Variants in CIMIP1 observed in about 807,000 individuals in gnomAD.
CIMIP1 encodes ciliary microtubule inner protein 1, also known as low in lung cancer 1.
At chr20:58,155,367 C>A in the CIMIP1 span, 1 of 910,110 alleles carries the variant, frequency 1.1e-6, no homozygotes, top group South Asian at 1.7e-5. Flanking sequence ...GGAGGACACT[C>A]CCCCAGCTTC....
chr20:58,151,474 C>G, the CIMIP1 span, among the ~76,000 whole-genome samples: 1 of 151,952 alleles, frequency 6.6e-6, no homozygotes. Context: ...AGTGCAGTGG[C>G]GCGATCTCGG....
the CIMIP1 span, among the ~76,000 whole-genome samples, chr20:58,158,862 A>G: frequency 6.6e-6 from 1 of 152,178 alleles, no homozygotes; most frequent in African/African-American, 2.4e-5. Context: ...AAGGACATCC[A>G]TGGGCCTCTG....
At chr20:58,160,566 T>C in the CIMIP1 span, 2 of 1,379,118 alleles carry the variant, frequency 1.5e-6, no homozygotes, top group Non-Finnish European at 1.9e-6. Context: ...CTGGCTTTTC[T>C]TTCTGTCTTT....
At chr20:58,153,602 T>C in the CIMIP1 span, 1 of 1,612,870 alleles carries the variant, frequency 6.2e-7, no homozygotes, top group Non-Finnish European at 8.5e-7. Context: ...GAACTGGGGG[T>C]TTTTAACAAC....
the CIMIP1 span, among the ~76,000 whole-genome samples, chr20:58,151,557 C>T: frequency 1.3e-5 from 2 of 152,022 alleles, no homozygotes; most frequent in African/African-American, 2.4e-5. Flanking sequence ...GGATTACAGG[C>T]GCCCACCACC....
chr20:58,154,052 G>C, the CIMIP1 span, among the ~76,000 whole-genome samples: 1 of 152,252 alleles, frequency 6.6e-6, no homozygotes, highest in Non-Finnish European at 1.5e-5. Context: ...CTGAGCGACT[G>C]TGAGGTGCAG....
the CIMIP1 span, chr20:58,155,681 A>C: frequency 1.2e-6 from 1 of 858,988 alleles, no homozygotes; most frequent in African/African-American, 1.7e-5. Flanking sequence ...CACTGAAGGT[A>C]AGAGCACAGC....
At chr20:58,154,530 C>T in the CIMIP1 span, among the ~76,000 whole-genome samples, 1 of 152,096 alleles carries the variant, frequency 6.6e-6, no homozygotes, top group African/African-American at 2.4e-5. Context: ...AGTGTAAAGC[C>T]CATTTGTAAT....
At chr20:58,152,720 A>G in the CIMIP1 span, among the ~76,000 whole-genome samples, 1 of 59,930 alleles carries the variant, frequency 1.7e-5, no homozygotes, top group Admixed American at 2.3e-4. Context: ...GCGAAACTCC[A>G]TCAAAAAAAA....
chr20:58,153,565 A>G, the CIMIP1 span: 1 of 1,614,208 alleles, frequency 6.2e-7, no homozygotes, highest in Non-Finnish European at 8.5e-7. Flanking sequence ...TGAAGGCTGA[A>G]TCGGAAGCAC....
the CIMIP1 span, among the ~76,000 whole-genome samples, chr20:58,155,987 G>A: frequency 3.3e-5 from 5 of 152,294 alleles, no homozygotes; most frequent in South Asian, 2.1e-4. Context: ...TGTCTCCCCT[G>A]CCTGTCTTAT....
the CIMIP1 span, chr20:58,161,126 A>T: frequency 9.1e-6 from 2 of 220,344 alleles, no homozygotes; most frequent in Admixed American, 1.1e-4. Context: ...ATTCAATTTT[A>T]AAAATATTTG....
the CIMIP1 span, among the ~76,000 whole-genome samples, chr20:58,153,310 C>T: frequency 1.3e-5 from 2 of 152,150 alleles, no homozygotes; most frequent in Non-Finnish European, 2.9e-5. Context: ...GGCCCTTACC[C>T]GGCATTCCCT....
chr20:58,158,414 G>A, the CIMIP1 span, among the ~76,000 whole-genome samples: 1 of 152,196 alleles, frequency 6.6e-6, no homozygotes, highest in Non-Finnish European at 1.5e-5. Flanking sequence ...ACTTTGGGAG[G>A]CCGAGACAGG....
chr20:58,154,353 A>G, the CIMIP1 span, among the ~76,000 whole-genome samples: 2 of 152,258 alleles, frequency 1.3e-5, no homozygotes, highest in African/African-American at 2.4e-5. Flanking sequence ...GAGTCCAGAA[A>G]GCCAGATGTT....
chr20:58,158,093 T>A, the CIMIP1 span, among the ~76,000 whole-genome samples: 1 of 152,130 alleles, frequency 6.6e-6, no homozygotes, highest in Non-Finnish European at 1.5e-5. Flanking sequence ...TTATTCTCTT[T>A]CCAAAGAAAG....
At chr20:58,155,908 C>T in the CIMIP1 span, among the ~76,000 whole-genome samples, 1 of 152,170 alleles carries the variant, frequency 6.6e-6, no homozygotes, top group African/African-American at 2.4e-5. Context: ...GGAATCAGAC[C>T]ACCAGATCCC....
At chr20:58,151,158 G>T in the CIMIP1 span, 2 of 854,008 alleles carry the variant, frequency 2.3e-6, no homozygotes, top group Non-Finnish European at 3.8e-6. Flanking sequence ...GCAGAGGGGC[G>T]TGCGCTGAGG....
chr20:58,155,377 C>A, the CIMIP1 span: 1 of 1,049,856 alleles, frequency 9.5e-7, no homozygotes, highest in Non-Finnish European at 1.4e-6. Context: ...CCCCCAGCTT[C>A]ACCTGAGGCT....
Sources: gnomAD v4.1 joint callset for allele counts (sites outside exome capture counted in the v4.1 genomes callset) on GRCh38, gnomAD v4.1.1 for gene constraint, MANE v1.5 for transcripts, NCBI Gene and HGNC (gene_info 2026-07-23, HGNC 2026-07-21) for gene names.